The following PCDHA10 variants were observed in gnomAD, a reference collection of about 807,000 sequenced individuals.
The protein encoded by PCDHA10 is protocadherin alpha-10.
A neutral mutation model predicts 61.2 loss-of-function variants in PCDHA10; 45 were observed. That is an observed-to-expected ratio of 0.74 (90% confidence interval 0.58 to 0.94). PCDHA10 has a LOEUF of 0.94. Among genes scored for constraint, PCDHA10 ranks in the 40% least tolerant of loss-of-function variants. The pLI is 0.00. For synonymous variants in PCDHA10, 602 were observed against 548.8 expected (o/e 1.10, Z -1.35); for missense variants, 1,278 against 1,236.2 (o/e 1.03, Z -0.51).
chr5:140,887,482 CT>C lies in PCDHA10; in HGVS notation c.2388+29048del, dbSNP rs2061466213. 4.6e-5 allele frequency among the ~76,000 whole-genome samples: 7 copies of C among 152,170 alleles called. 1 individual carries two copies. The highest frequency in any genetic ancestry group is 4.6e-4 in the Admixed American group (7 of 15,274). ...AAGATATAATTCAGTTGTCTTCTGG[CT>C]TGCATAGTTTCTAATAAGATGTTTG... On this transcript the variant is annotated intron_variant, in intron 1 of 3. Coordinates refer to ENST00000307360, the MANE Select transcript of PCDHA10 (RefSeq NM_018901.4).
chr5:140,883,868 C>G lies in PCDHA10; in HGVS notation c.2388+25432C>G, dbSNP rs782022578. ...CGAGGAGCTGGAGCTGTTGCAGTTC[C>G]AGGTGAGCGCGCGCGACTCTGGCGT... On this transcript the variant is annotated intron_variant, in intron 1 of 3. Coordinates refer to ENST00000307360, the MANE Select transcript of PCDHA10 (RefSeq NM_018901.4). 9.9e-6 allele frequency: 16 copies of G among 1,613,048 alleles called. No homozygotes were observed. The Admixed American group carries it at 2.5e-4, about 25-fold the overall frequency.
intron 1 of PCDHA10, chr5:140,883,711 C>T (rs1554179442): frequency 2.5e-6 from 4 of 1,613,576 alleles, no homozygotes; most frequent in Non-Finnish European, 3.4e-6. Flanking sequence ...CTGCTCAGGA[C>T]GCGGACGCAC....
Position 140,922,465 on chromosome 5 carries a change from T to C in PCDHA10, c.2389-56484T>C, listed in dbSNP as rs116670359. ...CATTATCCTATTTGTCAACACAAAA[T>C]AGGAGAGAAGGCAGGACTAAATCTG... On this transcript the variant is annotated intron_variant, in intron 1 of 3. Transcript: ENST00000307360. Among the ~76,000 whole-genome samples the C allele has an allele frequency of 8.9e-3, 1,361 of 152,304 alleles. 16 individuals carry two copies. Among genetic ancestry groups the C allele is most frequent in the African/African-American group, 0.031 (1,303 of 41,562 alleles).
At chr5:140,920,425 C>T (rs1444166830) in intron 1 of PCDHA10, among the ~76,000 whole-genome samples, 1 of 151,960 alleles carries the variant, frequency 6.6e-6, no homozygotes, top group Non-Finnish European at 1.5e-5. Flanking sequence ...GCTGTTCTCC[C>T]ACACACCTCT....
intron 1 of PCDHA10, among the ~76,000 whole-genome samples, chr5:140,953,094 C>A (rs2094845891): frequency 6.6e-6 from 1 of 152,172 alleles, no homozygotes; most frequent in South Asian, 2.1e-4. Flanking sequence ...TACAATTTGA[C>A]ATGAGATTTG....
rs1013599044 is a variant in PCDHA10, at chr5:140,900,058, C to T, written c.2388+41622C>T. ...TTCCTGGGCTCAAGTGATCCTTTAACCTCAGCCTCCAAAAGTGCTGCAGTT... is the reference window on the plus strand; with the variant it reads ...TTCCTGGGCTCAAGTGATCCTTTAATCTCAGCCTCCAAAAGTGCTGCAGTT... On this transcript the variant is annotated intron_variant, in intron 1 of 3. Coordinates refer to ENST00000307360, the MANE Select transcript of PCDHA10 (RefSeq NM_018901.4). Among the ~76,000 whole-genome samples the T allele has an allele frequency of 2.0e-5, 3 of 152,160 alleles. 1 individual carries two copies. Among genetic ancestry groups the T allele is most frequent in the Non-Finnish European group, 1.5e-5 (1 of 68,028 alleles).
chr5:140,869,747 C>A (rs1554163400), intron 1 of PCDHA10: 1 of 1,613,276 alleles, frequency 6.2e-7, no homozygotes. Context: ...CTAACAGCTA[C>A]AGACGGGGGA....
chr5:140,951,141 T>G (rs2094552248), intron 1 of PCDHA10, among the ~76,000 whole-genome samples: 1 of 100,612 alleles, frequency 9.9e-6, no homozygotes, highest in Non-Finnish European at 2.0e-5. Context: ...TTCCTTTATC[T>G]TATTGAATAT....
chr5:140,980,873 T>C (rs1586863406), intron 2 of PCDHA10, among the ~76,000 whole-genome samples: 1 of 152,338 alleles, frequency 6.6e-6, no homozygotes, highest in East Asian at 1.9e-4. Context: ...TGCTTGGGTG[T>C]TCTCGGTCTT....
At chr5:140,975,053 A>C (rs2096651589) in intron 1 of PCDHA10, among the ~76,000 whole-genome samples, 1 of 152,144 alleles carries the variant, frequency 6.6e-6, no homozygotes, top group Admixed American at 6.5e-5. Flanking sequence ...GGAAGAATCT[A>C]CTATCGAGCT....
At chr5:140,934,511 T>C (rs999288213) in intron 1 of PCDHA10, among the ~76,000 whole-genome samples, 1 of 152,210 alleles carries the variant, frequency 6.6e-6, no homozygotes, top group East Asian at 1.9e-4. Context: ...AAAGGGTCCA[T>C]AGACCACACT....
At chr5:140,900,673 A>T (rs936784929) in intron 1 of PCDHA10, among the ~76,000 whole-genome samples, 6 of 152,210 alleles carry the variant, frequency 3.9e-5, no homozygotes, top group African/African-American at 1.4e-4. Context: ...GAGTGCAGTT[A>T]TCTCTTCAAT....
rs1488505557 is a variant in PCDHA10 at position 140,967,448 on chromosome 5, A to G, written c.2389-11501A>G. The G allele has an allele frequency of 6.8e-6, 11 of 1,613,462 alleles. No individual in the cohort carries two copies. Among genetic ancestry groups the G allele is most frequent in the Non-Finnish European group, 9.3e-6 (11 of 1,179,888 alleles). On this transcript the variant is annotated intron_variant, in intron 1 of 3. Transcript: ENST00000307360. ...GGCAGCCTTGCACCACCTGGTTCTC[A>G]CAGCCGTGGATGGGGGCATCCCAGC...
intron 1 of PCDHA10, chr5:140,883,793 T>C (rs782783912): frequency 6.2e-7 from 1 of 1,612,328 alleles, no homozygotes; most frequent in South Asian, 1.1e-5. Flanking sequence ...GAGCTACGTG[T>C]CGGTGCACGC....
chr5:140,862,612 A>G, intron 1 of PCDHA10: 1 of 522,286 alleles, frequency 1.9e-6, no homozygotes, highest in Admixed American at 2.0e-5. Context: ...CGTGAAAGGT[A>G]ACAACCCGCG....
chr5:140,927,609 C>T (rs1285751413), intron 1 of PCDHA10: 1 of 1,614,076 alleles, frequency 6.2e-7, no homozygotes, highest in Admixed American at 1.7e-5. Flanking sequence ...CCGTATACCG[C>T]ACCAAGGTTC....
chr5:140,905,826 T>C (rs782149349), intron 1 of PCDHA10, among the ~76,000 whole-genome samples: 8 of 152,170 alleles, frequency 5.3e-5, no homozygotes, highest in Non-Finnish European at 7.3e-5. Flanking sequence ...TAGATGTGTA[T>C]ATAAAGGGGA....
chr5:140,856,885 A>G lies in PCDHA10; in HGVS notation c.837A>G (p.Ser279=). 1.3e-6 allele frequency: 2 copies of G among 1,596,608 alleles called. No homozygotes were observed. Among genetic ancestry groups the G allele is most frequent in the Non-Finnish European group, 1.7e-6 (2 of 1,166,304 alleles). Residue 279 remains serine, a synonymous_variant, in exon 1 of 4, where the codon TCA becomes TCG. Transcript: ENST00000307360. The stretch of plus-strand genomic sequence containing the variant: ...GAATAAACAAGGAAATGATGTATTC[A>G]TTTAGCTCTTTGGTCCCACCCACGA... ...DEGINKEMMY[S]FSSLVPPTIR...
At chr5:140,895,863 G>A (rs1450764434) in intron 1 of PCDHA10, among the ~76,000 whole-genome samples, 3 of 152,162 alleles carry the variant, frequency 2.0e-5, no homozygotes, top group African/African-American at 7.2e-5. Flanking sequence ...CCAGGCTGGA[G>A]TGCAATGGCG....
Sources: allele counts gnomAD v4.1 joint callset (sites outside exome capture counted in the v4.1 genomes callset), GRCh38; gene constraint gnomAD v4.1.1; transcripts MANE v1.5; gene names NCBI Gene and HGNC (gene_info 2026-07-23, HGNC 2026-07-21).